The following ZNF385D variants were observed in gnomAD, a reference collection of about 807,000 sequenced individuals.
ZNF385D encodes the protein zinc finger protein 385D.
In ZNF385D, 15 loss-of-function variants were observed where a neutral mutation model predicts 35.8. The observed-to-expected ratio is 0.42, with a 90% CI of 0.28 to 0.64. ZNF385D has a LOEUF of 0.64. Ranked by LOEUF, ZNF385D falls within the 30% of genes least tolerant of loss-of-function variation. ZNF385D has a pLI of 0.23. For missense variants in ZNF385D, 474 were observed against 494.6 expected, an observed-to-expected ratio of 0.96 and a Z score of 0.39; for synonymous variants, 212 against 186.8, an observed-to-expected ratio of 1.13 and a Z score of -1.10.
At chr3:21,551,204 G>A (rs1308919358) in intron 3 of ZNF385D, among the ~76,000 whole-genome samples, 1 of 152,142 alleles carries the variant, frequency 6.6e-6, no homozygotes, top group Non-Finnish European at 1.5e-5. Flanking sequence ...GACTAAGCAG[G>A]AAACACATAG....
chr3:21,664,686 CTCTTTTTATTT>C (rs1354165892), intron 2 of ZNF385D, among the ~76,000 whole-genome samples, 189 bp downstream of exon 2: 2 of 152,152 alleles, frequency 1.3e-5, no homozygotes, highest in Admixed American at 1.3e-4. Flanking sequence ...CGGATCGAAT[CTCTTTTTATTT>C]TCCTTGAAGG....
chr3:22,358,787 G>A (rs914922823), intron 2 of ZNF385D, among the ~76,000 whole-genome samples: 1 of 151,700 alleles, frequency 6.6e-6, no homozygotes, highest in Non-Finnish European at 1.5e-5. Flanking sequence ...ATTTAGAATG[G>A]CCTTTACAGT....
intron 2 of ZNF385D, among the ~76,000 whole-genome samples, chr3:21,657,236 A>T (rs1559494549): frequency 1.3e-5 from 2 of 152,000 alleles, no homozygotes; most frequent in Non-Finnish European, 2.9e-5. Context: ...AAATTGTTGC[A>T]TTCTCTTTAG....
intron 4 of ZNF385D, among the ~76,000 whole-genome samples, chr3:21,444,080 CTTTT>C (rs11390309): frequency 2.3e-5 from 3 of 132,688 alleles, no homozygotes; most frequent in African/African-American, 2.9e-5. Flanking sequence ...GGATTTCCCT[CTTTT>C]TTTTTTTTTT....
intron 3 of ZNF385D, among the ~76,000 whole-genome samples, chr3:22,063,142 G>A (rs1576247634): frequency 6.6e-6 from 1 of 152,104 alleles, no homozygotes; most frequent in South Asian, 2.1e-4. Context: ...TCCTGAATCA[G>A]CCAATATGCC....
intron 2 of ZNF385D, among the ~76,000 whole-genome samples, chr3:22,277,654 A>G: frequency 6.6e-6 from 1 of 152,150 alleles, no homozygotes; most frequent in East Asian, 1.9e-4. Flanking sequence ...ATGGAAAATA[A>G]AAGTATTAAC....
intron 3 of ZNF385D, among the ~76,000 whole-genome samples, chr3:21,776,682 G>A (rs1333956161): frequency 6.6e-6 from 1 of 151,870 alleles, no homozygotes; most frequent in Non-Finnish European, 1.5e-5. Context: ...GAAATATAAT[G>A]TCTAAGTGTA....
chr3:21,946,583 G>C (rs1225402970), intron 3 of ZNF385D, among the ~76,000 whole-genome samples: 1 of 152,142 alleles, frequency 6.6e-6, no homozygotes, highest in African/African-American at 2.4e-5. Context: ...TGTAATCCCA[G>C]AACTTTGGGA....
intron 3 of ZNF385D, among the ~76,000 whole-genome samples, chr3:22,129,277 C>T (rs904068752): frequency 6.6e-5 from 10 of 152,092 alleles, no homozygotes; most frequent in Middle Eastern, 3.2e-3. Context: ...GACTGTGCCT[C>T]GTCATACCTG....
chr3:22,242,187 G>A (rs1021891551), intron 2 of ZNF385D, among the ~76,000 whole-genome samples: 5 of 150,606 alleles, frequency 3.3e-5, no homozygotes, highest in African/African-American at 1.2e-4. Context: ...TAACTAACCT[G>A]CACAATGTGC....
rs548783549 is a variant in ZNF385D, at chr3:21,739,348, G to A, written c.22+11547C>T. 1.1e-4 allele frequency among the ~76,000 whole-genome samples: 17 copies of A among 152,294 alleles called. No homozygotes were observed. The South Asian group carries it at 3.3e-3, about 30-fold the overall frequency. ...CTTTCTCTCCACGGACATTTTTAAT[G>A]GAAGCTGCGGTGGAGGAGCTGCCTT... On this transcript the variant is annotated intron_variant, in intron 1 of 7. Coordinates refer to ENST00000281523, the MANE Select transcript of ZNF385D (RefSeq NM_024697.3).
Position 21,653,984 on chromosome 3 carries a change from A to C in ZNF385D, c.165+10902T>G, listed in dbSNP as rs541330666. On this transcript the variant is annotated intron_variant, in intron 2 of 7. Coordinates refer to ENST00000281523, the MANE Select transcript of ZNF385D (RefSeq NM_024697.3). ...CATATGTACAGATGTTCTAAAGAAC[A>C]TAAAGATGTTTTGATAAAACTGATT... is the stretch of plus-strand genomic sequence containing the variant. Among the ~76,000 whole-genome samples the C allele has an allele frequency of 2.0e-5, 3 of 152,202 alleles. No individual in the cohort carries two copies. The South Asian group carries it at 6.2e-4, about 32-fold the overall frequency.
intron 2 of ZNF385D, among the ~76,000 whole-genome samples, chr3:22,278,827 C>T (rs1701567380): frequency 6.6e-6 from 1 of 152,082 alleles, no homozygotes; most frequent in South Asian, 2.1e-4. Context: ...TGCTGGCTAT[C>T]TTGTGGGGTC....
At chr3:21,573,605 A>G (rs559298090) in intron 2 of ZNF385D, among the ~76,000 whole-genome samples, 1 of 152,350 alleles carries the variant, frequency 6.6e-6, no homozygotes, top group South Asian at 2.1e-4. Context: ...GGAAAACCAT[A>G]CAAAAGTTAT....
At chr3:21,862,595 T>C (rs1575796912) in intron 3 of ZNF385D, among the ~76,000 whole-genome samples, 3 of 152,084 alleles carry the variant, frequency 2.0e-5, no homozygotes, top group African/African-American at 7.2e-5. Flanking sequence ...CATTATATTA[T>C]GTGTATAGCA....
At chr3:22,161,230 TACAA>T (rs2125740209) in intron 3 of ZNF385D, among the ~76,000 whole-genome samples, 1 of 152,224 alleles carries the variant, frequency 6.6e-6, no homozygotes, top group East Asian at 1.9e-4. Flanking sequence ...TGTAGTGATA[TACAA>T]ACATTGTTAT....
At chr3:21,663,624 C>A (rs1421147468) in intron 2 of ZNF385D, among the ~76,000 whole-genome samples, 1 of 151,884 alleles carries the variant, frequency 6.6e-6, no homozygotes, top group Non-Finnish European at 1.5e-5. Flanking sequence ...CTTAATGAAA[C>A]ACCTAGGATT....
At chr3:22,024,736 A>C (rs1697433492) in intron 3 of ZNF385D, among the ~76,000 whole-genome samples, 1 of 152,132 alleles carries the variant, frequency 6.6e-6, no homozygotes, top group South Asian at 2.1e-4. Context: ...TAGTGACTCT[A>C]TACATAATAT....
intron 3 of ZNF385D, among the ~76,000 whole-genome samples, chr3:21,964,326 A>T (rs936590657): frequency 2.0e-5 from 3 of 150,716 alleles, no homozygotes; most frequent in African/African-American, 7.3e-5. Flanking sequence ...AATGGAAAAA[A>T]AAAGAAAGAA....
Sources: allele counts gnomAD v4.1 joint callset (sites outside exome capture counted in the v4.1 genomes callset), GRCh38; gene constraint gnomAD v4.1.1; transcripts MANE v1.5; gene names NCBI Gene and HGNC (gene_info 2026-07-23, HGNC 2026-07-21).